TENM2: variants seen among roughly 807,000 people sequenced by gnomAD.
TENM2 encodes teneurin transmembrane protein 2, also known as teneurin-2.
TENM2 carries 52 observed loss-of-function variants against 245.2 expected under a neutral mutation model. The ratio of observed to expected loss-of-function variants is 0.21; its 90% CI spans 0.17 to 0.27. TENM2 has a LOEUF of 0.27. TENM2 is among the 10% of genes least tolerant of loss of function. The pLI is 1.00. For missense variants in TENM2, 3,046 were observed against 3,666.8 expected, an observed-to-expected ratio of 0.83 and a Z score of 4.37; for synonymous variants, 1,363 against 1,438.9, an observed-to-expected ratio of 0.95 and a Z score of 1.19.
chr5:167,982,498 C>T (rs1304913364), intron 4 of TENM2, among the ~76,000 whole-genome samples: 1 of 152,166 alleles, frequency 6.6e-6, no homozygotes, highest in Non-Finnish European at 1.5e-5. Flanking sequence ...TGTGGGCCCG[C>T]TTCTGTGTTC....
At chr5:167,149,294 C>A in the TENM2 span, among the ~76,000 whole-genome samples, 16 of 152,166 alleles carry the variant, frequency 1.1e-4, no homozygotes, top group East Asian at 2.5e-3. Context: ...CCAGGATAAT[C>A]TGGCATGAAT....
intron 1 of TENM2, among the ~76,000 whole-genome samples, chr5:167,288,515 C>T (rs1219106677): frequency 4.7e-5 from 7 of 150,150 alleles, no homozygotes; most frequent in Middle Eastern, 3.2e-3. Flanking sequence ...GCGGAGATCG[C>T]GCCACTGCAC....
the TENM2 span, among the ~76,000 whole-genome samples, chr5:167,191,855 C>T: frequency 6.6e-6 from 1 of 151,948 alleles, no homozygotes; most frequent in South Asian, 2.1e-4. Context: ...AATTCTCTTA[C>T]TCCAATAGTA....
intron 3 of TENM2, among the ~76,000 whole-genome samples, chr5:167,919,776 A>T (rs1162788234): frequency 1.3e-5 from 2 of 152,254 alleles, no homozygotes; most frequent in South Asian, 4.1e-4. Flanking sequence ...CTGAAAATGT[A>T]TGAGTGCCTA....
chr5:167,068,796 T>C, the TENM2 span, among the ~76,000 whole-genome samples: 1 of 152,240 alleles, frequency 6.6e-6, no homozygotes, highest in Admixed American at 6.5e-5. Context: ...TAATTTTCTG[T>C]GTTATAAAAT....
intron 19 of TENM2, among the ~76,000 whole-genome samples, chr5:168,210,586 A>G (rs1762723145): frequency 6.6e-6 from 1 of 151,718 alleles, no homozygotes; most frequent in East Asian, 1.9e-4. Context: ...GTCAGAGCTC[A>G]GAAGTTATCA....
At chr5:167,687,009 C>A (rs1757118090) in intron 2 of TENM2, among the ~76,000 whole-genome samples, 1 of 152,150 alleles carries the variant, frequency 6.6e-6, no homozygotes, top group Non-Finnish European at 1.5e-5. Context: ...ATTCTCAAAT[C>A]TTTAAAAACA....
the TENM2 span, among the ~76,000 whole-genome samples, chr5:167,013,454 T>A: frequency 6.6e-6 from 1 of 152,074 alleles, no homozygotes; most frequent in Non-Finnish European, 1.5e-5. Context: ...ATGAAAGAAA[T>A]GAACAGAAGC....
intron 3 of TENM2, among the ~76,000 whole-genome samples, chr5:167,937,134 C>T (rs1778783514): frequency 6.6e-6 from 1 of 152,208 alleles, no homozygotes; most frequent in African/African-American, 2.4e-5. Context: ...GTGGTGAGAA[C>T]ATTTAAAATC....
chr5:167,171,821 C>A, the TENM2 span, among the ~76,000 whole-genome samples: 22 of 152,160 alleles, frequency 1.4e-4, no homozygotes, highest in Admixed American at 1.2e-3. Context: ...CAATAAGATT[C>A]CACAGGGTGC....
chr5:167,356,888 C>A (rs768164708), intron 1 of TENM2, among the ~76,000 whole-genome samples: 25 of 152,050 alleles, frequency 1.6e-4, no homozygotes, highest in Admixed American at 2.0e-4. Context: ...AATATGAAAG[C>A]AAATGTATTG....
At chr5:168,136,137 C>T (rs956111930) in intron 12 of TENM2, among the ~76,000 whole-genome samples, 6 of 152,036 alleles carry the variant, frequency 3.9e-5, no homozygotes, top group African/African-American at 1.5e-4. Flanking sequence ...TGGTAGGTGA[C>T]GTGAGAAGTT....
At chr5:167,224,184 T>C in the TENM2 span, among the ~76,000 whole-genome samples, 3 of 152,140 alleles carry the variant, frequency 2.0e-5, no homozygotes, top group Admixed American at 1.3e-4. Flanking sequence ...GTGCAGAAGC[T>C]TTCTAGCTGA....
chr5:167,223,735 C>G, the TENM2 span, among the ~76,000 whole-genome samples: 1 of 152,048 alleles, frequency 6.6e-6, no homozygotes, highest in African/African-American at 2.4e-5. Context: ...TGTATGGTAG[C>G]TCTATTTTTA....
intron 2 of TENM2, among the ~76,000 whole-genome samples, chr5:167,403,297 G>T (rs1251182080): frequency 7.1e-6 from 1 of 141,250 alleles, no homozygotes; most frequent in Non-Finnish European, 1.5e-5. Context: ...TGAAATGTCT[G>T]CCACCCTTGA....
At chr5:168,034,121 GTATATATATATA>G (rs200576790) in intron 5 of TENM2, among the ~76,000 whole-genome samples, 21 of 93,644 alleles carry the variant, frequency 2.2e-4, no homozygotes, top group African/African-American at 6.3e-4. Context: ...ATATATATGT[GTATATATATATA>G]TGTATACATA....
At chr5:167,024,023 A>T in the TENM2 span, among the ~76,000 whole-genome samples, 1 of 152,234 alleles carries the variant, frequency 6.6e-6, no homozygotes, top group Non-Finnish European at 1.5e-5. Context: ...GAGATTTTTT[A>T]AAAATTCATA....
chr5:167,375,617 G>T, intron 2 of TENM2, 144 bp downstream of exon 4: 1 of 839,472 alleles, frequency 1.2e-6, no homozygotes, highest in Non-Finnish European at 1.8e-6. Flanking sequence ...GTGAGCTGGG[G>T]GGAAGTAAAC....
the TENM2 span, chr5:167,165,294 G>A: frequency 1.3e-5 from 2 of 152,172 alleles, no homozygotes; most frequent in Admixed American, 1.3e-4. Context: ...GTCGTGCAGT[G>A]ACCCAGGTTT....
Sources: gnomAD v4.1 joint callset for allele counts (sites outside exome capture counted in the v4.1 genomes callset) on GRCh38, gnomAD v4.1.1 for gene constraint, MANE v1.5 for transcripts, NCBI Gene and HGNC (gene_info 2026-07-23, HGNC 2026-07-21) for gene names.